Variants in TMEM163 observed in about 807,000 individuals in gnomAD.
The protein encoded by TMEM163 is transmembrane protein 163.
Under a neutral mutation model 29.3 loss-of-function variants are expected in TMEM163, and 17 were observed. That is an observed-to-expected ratio of 0.58 (90% CI 0.40 to 0.87). The LOEUF (loss-of-function observed/expected upper bound fraction) is 0.87. Ranked by LOEUF, TMEM163 falls within the 40% of genes least tolerant of loss-of-function variation. The pLI is 0.00. For missense variants in TMEM163, 303 were observed against 381.5 expected (o/e 0.79, Z 1.71); for synonymous variants, 157 against 160.6 (o/e 0.98, Z 0.17).
intron 2 of TMEM163, among the ~76,000 whole-genome samples, chr2:134,637,358 G>C (rs762077460): frequency 2.0e-5 from 3 of 152,214 alleles, no homozygotes; most frequent in Non-Finnish European, 4.4e-5. Context: ...GGGTGTGCCT[G>C]AGTGTGCCCT....
At chr2:134,684,937 A>AAAG (rs1553493362) in intron 2 of TMEM163, among the ~76,000 whole-genome samples, 62 of 150,392 alleles carry the variant, frequency 4.1e-4, no homozygotes, top group Middle Eastern at 6.9e-3. Context: ...AAAAAAAAAA[A>AAAG]AAAGAAAAAG....
intron 4 of TMEM163, among the ~76,000 whole-genome samples, chr2:134,539,868 T>C (rs2106502837): frequency 6.6e-6 from 1 of 152,286 alleles, no homozygotes; most frequent in South Asian, 2.1e-4. Flanking sequence ...GGGAAGGAGC[T>C]TGCCCAAATC....
At chr2:134,619,836 T>C (rs1238338032) in intron 2 of TMEM163, among the ~76,000 whole-genome samples, 1 of 152,152 alleles carries the variant, frequency 6.6e-6, no homozygotes, top group Non-Finnish European at 1.5e-5. Flanking sequence ...ACAAGTTTAG[T>C]AGGGTTGCAG....
At chr2:134,532,992 G>A (rs1287998172) in intron 4 of TMEM163, among the ~76,000 whole-genome samples, 4 of 152,112 alleles carry the variant, frequency 2.6e-5, no homozygotes, top group African/African-American at 9.7e-5. Context: ...TATGTGTTGG[G>A]CTAGGACACA....
At chr2:134,699,104 A>G (rs1455121821) in intron 2 of TMEM163, among the ~76,000 whole-genome samples, 1 of 152,242 alleles carries the variant, frequency 6.6e-6, no homozygotes, top group Admixed American at 6.5e-5. Flanking sequence ...CAACTCTGGA[A>G]TCAAGTATTA....
In TMEM163 at chr2:134,460,922, T is replaced by A. The variant is rs1359934432; in HGVS notation, c.668-2749A>T. ...TTTTGTGATGACAGAGCCTGACTCA[T>A]TTCAGCTTCACTTCTTGAGAGTCTG... On this transcript the variant is annotated intron_variant, in intron 6 of 7. Coordinates refer to ENST00000281924, the MANE Select transcript of TMEM163 (RefSeq NM_030923.5). This position sits in a 1 kb window ranked among gnomAD's most constrained non-coding sequence, Gnocchi z 4.3. 2.0e-5 allele frequency among the ~76,000 whole-genome samples: 3 copies of A among 152,218 alleles called. No homozygotes were observed. The highest frequency in any genetic ancestry group is 2.0e-4 in the Admixed American group (3 of 15,278).
chr2:134,697,464 T>A (rs1355245840), intron 2 of TMEM163, among the ~76,000 whole-genome samples: 1 of 72,432 alleles, frequency 1.4e-5, no homozygotes, highest in East Asian at 4.2e-4. Context: ...TTCTTCTCAA[T>A]TTTTTTTTTT....
intron 4 of TMEM163, among the ~76,000 whole-genome samples, chr2:134,521,938 G>T (rs1465509077): frequency 1.3e-5 from 2 of 152,144 alleles, no homozygotes; most frequent in Non-Finnish European, 2.9e-5. Context: ...AGTTCAAAGG[G>T]TATGAGAAAC....
At chr2:134,573,850 CT>C (rs1466802202) in intron 2 of TMEM163, among the ~76,000 whole-genome samples, 2 of 152,246 alleles carry the variant, frequency 1.3e-5, no homozygotes, top group Admixed American at 6.5e-5. Context: ...GGCCATTCTG[CT>C]TGGGATGCAG....
chr2:134,484,786 T>C (rs1250931231), intron 5 of TMEM163, among the ~76,000 whole-genome samples: 3 of 152,170 alleles, frequency 2.0e-5, no homozygotes, highest in African/African-American at 7.2e-5. Flanking sequence ...AATGGGGGAA[T>C]GGTTAAAGGG....
chr2:134,456,982 C>T (rs572556838), intron 7 of TMEM163, among the ~76,000 whole-genome samples: 7 of 152,206 alleles, frequency 4.6e-5, no homozygotes, highest in South Asian at 2.1e-4. Flanking sequence ...ATCCTCCCCA[C>T]GCCTGACGAG....
chr2:134,652,061 G>GT (rs1228306382), intron 2 of TMEM163, among the ~76,000 whole-genome samples: 1 of 140,826 alleles, frequency 7.1e-6, no homozygotes, highest in Non-Finnish European at 1.5e-5. Flanking sequence ...CTTTAGAGTA[G>GT]TTTTTTCCAA....
chr2:134,673,445 C>T (rs1248508153), intron 2 of TMEM163, among the ~76,000 whole-genome samples: 1 of 152,210 alleles, frequency 6.6e-6, no homozygotes, highest in Non-Finnish European at 1.5e-5. Flanking sequence ...CTAGGACCTA[C>T]AGCTAGGTCC....
At chr2:134,682,597 T>C (rs6430531) in intron 2 of TMEM163, among the ~76,000 whole-genome samples, 45,108 of 152,058 alleles carry the variant, frequency 0.3, 9,109 homozygotes, top group African/African-American at 0.57. Flanking sequence ...CGAGCTACCA[T>C]AACACACCTA....
In TMEM163 at chr2:134,489,577, A is replaced by C. The variant is rs532438956; in HGVS notation, c.555+13324T>G. Among the ~76,000 whole-genome samples the C allele has an allele frequency of 7.0e-4, 81 of 115,784 alleles. 2 individuals are homozygous for C. The South Asian group carries it at 0.026, about 36-fold the overall frequency. The allele number at this position is 115,784 out of a possible 152,430, so 76.0% of individuals were successfully genotyped here. ...GGCAACAGAGCAAGACTCTCTCTCA[A>C]AAAAAAAAAAAAAGTTGCAGTGTGT... On this transcript the variant is annotated intron_variant, in intron 5 of 7. Coordinates refer to ENST00000281924, the MANE Select transcript of TMEM163 (RefSeq NM_030923.5).
intron 2 of TMEM163, among the ~76,000 whole-genome samples, chr2:134,681,580 C>T (rs60528080): frequency 0.023 from 3,488 of 152,178 alleles, 154 homozygotes; most frequent in African/African-American, 0.08. Flanking sequence ...GGAATAGAAG[C>T]CTCCGTCTGT....
At chr2:134,718,121 T>C (rs1294549653) in intron 1 of TMEM163, among the ~76,000 whole-genome samples, 1 of 152,184 alleles carries the variant, frequency 6.6e-6, no homozygotes, top group East Asian at 1.9e-4. Context: ...CTCTGCCCCA[T>C]CATGAGACGA....
intron 5 of TMEM163, among the ~76,000 whole-genome samples, chr2:134,500,550 T>C (rs554416569): frequency 1.3e-5 from 2 of 152,144 alleles, no homozygotes; most frequent in Admixed American, 6.5e-5. Context: ...GAGATGACCA[T>C]AAATGGGTGT....
At chr2:134,666,061 C>T (rs1178371420) in intron 2 of TMEM163, among the ~76,000 whole-genome samples, 1 of 152,148 alleles carries the variant, frequency 6.6e-6, no homozygotes, top group Non-Finnish European at 1.5e-5. Context: ...TGCAAATTAA[C>T]AGACAGAATA....
Sources: allele counts gnomAD v4.1 joint callset (sites outside exome capture counted in the v4.1 genomes callset), GRCh38; gene constraint gnomAD v4.1.1; non-coding constraint Gnocchi (gnomAD v3.1); transcripts MANE v1.5; gene names NCBI Gene and HGNC (gene_info 2026-07-23, HGNC 2026-07-21).